NKAIN3: variants seen among roughly 807,000 people sequenced by gnomAD.
The protein encoded by NKAIN3 is sodium/potassium transporting ATPase interacting 3.
Under a neutral mutation model 30.2 loss-of-function variants are expected in NKAIN3, and 25 were observed. The ratio of observed to expected loss-of-function variants is 0.83; its 90% CI spans 0.60 to 1.16. NKAIN3 has a LOEUF of 1.16. NKAIN3 is among the 50% of genes most tolerant of loss of function. NKAIN3 has a pLI of 0.00. For missense variants in NKAIN3, 225 were observed against 254.1 expected (o/e 0.89, Z 0.78); for synonymous variants, 91 against 89.6 (o/e 1.02, Z -0.09).
Position 62,790,444 on chromosome 8 carries a change from G to A in NKAIN3, c.471+43315G>A, listed in dbSNP as rs1356565741. On this transcript the variant is annotated intron_variant, in intron 4 of 6. Transcript: ENST00000623646. ...TCTTATCATCCTCTTATTTTAAAAA[G>A]TTATGAGAATTTCTCAAAACTGCAC... 2.0e-5 allele frequency among the ~76,000 whole-genome samples: 3 copies of A among 151,988 alleles called. No individual in the cohort carries two copies. The South Asian group carries it at 6.2e-4, about 32-fold the overall frequency.
At position 62,345,384 on chromosome 8, in the gene NKAIN3, T is replaced by C. The variant is rs62509168; in HGVS notation, c.54+96257T>C. On this transcript the variant is annotated intron_variant, in intron 1 of 6. Coordinates refer to ENST00000623646, the MANE Select transcript of NKAIN3 (RefSeq NM_001304533.3). ...ATATGTATATATACACATATATGTA[T>C]ATATACACACATATACACATATATG... Among the ~76,000 whole-genome samples the C allele has an allele frequency of 2.8e-3, 38 of 13,352 alleles. 1 individual carries two copies. Among genetic ancestry groups the C allele is most frequent in the Admixed American group, 0.013 (11 of 852 alleles). 8.8% of individuals were successfully genotyped at this position (13,352 alleles called of 152,430 possible). A position where few individuals can be genotyped will look rare whatever the true frequency, so the allele number is the denominator to read the frequency against.
At chr8:62,876,438 T>C (rs13255612) in intron 4 of NKAIN3, among the ~76,000 whole-genome samples, 15,723 of 152,216 alleles carry the variant, frequency 0.1, 892 homozygotes, top group Admixed American at 0.14. Flanking sequence ...AGAAATACCA[T>C]TTGACCCAGC....
At chr8:62,898,365 A>G (rs1821501653) in intron 4 of NKAIN3, among the ~76,000 whole-genome samples, 3 of 152,210 alleles carry the variant, frequency 2.0e-5, no homozygotes, top group South Asian at 2.1e-4. Flanking sequence ...TATTCGCACC[A>G]GGGAATACTA....
rs145594598 is a variant in NKAIN3, at chr8:62,902,237, T to C, written c.472-16216T>C. Among the ~76,000 whole-genome samples the C allele has an allele frequency of 6.6e-3, 1,006 of 152,094 alleles. 15 individuals are homozygous for C. The highest frequency in any genetic ancestry group is 0.023 in the African/African-American group (941 of 41,478). ...CTGAAATACTGAGGGTGCCCCAAAA[T>C]GAAAGGGGCACAAAAAGAGTCCAAA... On this transcript the variant is annotated intron_variant, in intron 4 of 6. Transcript: ENST00000623646.
intron 4 of NKAIN3, among the ~76,000 whole-genome samples, chr8:62,917,530 A>C (rs1212882896): frequency 6.6e-6 from 1 of 152,204 alleles, no homozygotes; most frequent in Non-Finnish European, 1.5e-5. Flanking sequence ...ATGGGCAGTC[A>C]AAAGCCCCAG....
intron 1 of NKAIN3, among the ~76,000 whole-genome samples, chr8:62,495,472 A>G (rs889411500): frequency 2.6e-5 from 4 of 150,990 alleles, no homozygotes; most frequent in Admixed American, 2.0e-4. Flanking sequence ...TTATCAAGAA[A>G]TTTTTTTTGG....
intron 1 of NKAIN3, among the ~76,000 whole-genome samples, chr8:62,544,242 A>G (rs1040017475): frequency 6.6e-6 from 1 of 152,010 alleles, no homozygotes; most frequent in African/African-American, 2.4e-5. Flanking sequence ...GGCTCAAGCA[A>G]TCCTCCTGCC....
At chr8:62,324,750 G>C (rs1815057834) in intron 1 of NKAIN3, among the ~76,000 whole-genome samples, 1 of 152,088 alleles carries the variant, frequency 6.6e-6, no homozygotes, top group African/African-American at 2.4e-5. Context: ...AGAGCAGTGG[G>C]ATCTTTGAAG....
At chr8:62,914,696 A>C (rs1202280509) in intron 4 of NKAIN3, among the ~76,000 whole-genome samples, 1 of 151,786 alleles carries the variant, frequency 6.6e-6, no homozygotes. Flanking sequence ...ATTTTTTAAA[A>C]TTAGGATGTC....
intron 4 of NKAIN3, among the ~76,000 whole-genome samples, chr8:62,760,353 A>G (rs112912968): frequency 6.6e-6 from 1 of 152,186 alleles, no homozygotes; most frequent in East Asian, 1.9e-4. Flanking sequence ...ACTATTCACA[A>G]TAGCAAAGAC....
At chr8:62,719,375 C>A (rs1461315104) in intron 3 of NKAIN3, among the ~76,000 whole-genome samples, 1 of 152,108 alleles carries the variant, frequency 6.6e-6, no homozygotes, top group East Asian at 1.9e-4. Context: ...ATTTTTGTGA[C>A]CCATTACTTC....
In NKAIN3 at chr8:62,806,528, A is replaced by G. The variant is rs562254978; in HGVS notation, c.471+59399A>G. ...AGGGACATGGATGAAATTGGATATC[A>G]TCATTCTCAGTAAACTATCAGAAGG... On this transcript the variant is annotated intron_variant, in intron 4 of 6. Coordinates refer to ENST00000623646, the MANE Select transcript of NKAIN3 (RefSeq NM_001304533.3). Among the ~76,000 whole-genome samples, 447 of 152,280 alleles carry G rather than the reference A, an allele frequency of 2.9e-3. 1 individual carries two copies. The highest frequency in any genetic ancestry group is 0.01 in the African/African-American group (425 of 41,570).
intron 3 of NKAIN3, among the ~76,000 whole-genome samples, chr8:62,694,856 G>A (rs554740959): frequency 6.6e-6 from 1 of 152,264 alleles, no homozygotes; most frequent in South Asian, 2.1e-4. Flanking sequence ...CACCCTTGAG[G>A]AGTCCCTGAC....
At chr8:62,471,932 C>T (rs55755287) in intron 1 of NKAIN3, among the ~76,000 whole-genome samples, 51,259 of 151,648 alleles carry the variant, frequency 0.34, 9,773 homozygotes, top group South Asian at 0.45. Flanking sequence ...TTGCTCCAGC[C>T]TGGGTGTCAG....
intron 3 of NKAIN3, among the ~76,000 whole-genome samples, chr8:62,649,619 G>A (rs1200356803): frequency 6.6e-6 from 1 of 152,186 alleles, no homozygotes; most frequent in African/African-American, 2.4e-5. Flanking sequence ...GGTGTCAGCT[G>A]AGCGGTGCTG....
chr8:62,861,228 A>G (rs10504358), intron 4 of NKAIN3, among the ~76,000 whole-genome samples: 12,273 of 152,260 alleles, frequency 0.081, 561 homozygotes, highest in South Asian at 0.14. Context: ...ACTGGCCATT[A>G]TTCAAGAACT....
At chr8:62,396,772 T>A (rs1812893641) in intron 1 of NKAIN3, among the ~76,000 whole-genome samples, 1 of 152,186 alleles carries the variant, frequency 6.6e-6, no homozygotes, top group South Asian at 2.1e-4. Flanking sequence ...TAATCACTAT[T>A]AGGAAAATGT....
In NKAIN3 at chr8:62,415,899, A is replaced by AG. The variant is rs542095582; in HGVS notation, c.55-163638dup. Among the ~76,000 whole-genome samples, 685 of 152,086 alleles carry AG rather than the reference A, an allele frequency of 4.5e-3. 6 individuals are homozygous for AG. The highest frequency in any genetic ancestry group is 0.016 in the African/African-American group (649 of 41,520). On this transcript the variant is annotated intron_variant, in intron 1 of 6. Transcript: ENST00000623646. ...CAGCCTCCCGAGTAGCTGGGACTAC[A>AG]GGTGCCTGCCACCATGCCCAGCTAA... is the stretch of plus-strand genomic sequence containing the variant.
intron 1 of NKAIN3, among the ~76,000 whole-genome samples, chr8:62,480,997 G>C (rs1806702169): frequency 6.6e-6 from 1 of 152,154 alleles, no homozygotes; most frequent in Admixed American, 6.5e-5. Context: ...TGAACTGCCA[G>C]TGACTATAAG....
Sources: gnomAD v4.1 joint callset for allele counts (sites outside exome capture counted in the v4.1 genomes callset) on GRCh38, gnomAD v4.1.1 for gene constraint, MANE v1.5 for transcripts, NCBI Gene and HGNC (gene_info 2026-07-23, HGNC 2026-07-21) for gene names.